The following LARGE1 variants were observed in gnomAD, a reference collection of about 807,000 sequenced individuals.
LARGE1 encodes xylosyl- and glucuronyltransferase LARGE1.
In LARGE1, 43 loss-of-function variants were observed where a neutral mutation model predicts 87.6. The ratio of observed to expected loss-of-function variants is 0.49; its 90% CI spans 0.38 to 0.63. The LOEUF (loss-of-function observed/expected upper bound fraction) is 0.63, where lower values mean the gene tolerates loss of function less well. LARGE1 is among the 30% of genes least tolerant of loss of function. LARGE1 has a pLI of 0.00. For missense variants in LARGE1, 802 were observed against 1,000.2 expected, an observed-to-expected ratio of 0.80 and a Z score of 2.67; for synonymous variants, 434 against 394.6, an observed-to-expected ratio of 1.10 and a Z score of -1.18.
rs183051347 is a variant in LARGE1 at position 33,632,147 on chromosome 22, G to A, written c.409-5821C>T. Among the ~76,000 whole-genome samples the A allele has an allele frequency of 3.9e-5, 6 of 152,232 alleles. No homozygotes were observed. The East Asian group carries it at 7.7e-4, about 20-fold the overall frequency. On this transcript the variant is annotated intron_variant, in intron 3 of 14. Coordinates refer to ENST00000397394, the MANE Select transcript of LARGE1 (RefSeq NM_133642.5). ...CCGTTTGTTTGTTTGTTTTGAGACCGAGTCTCGATCTATCGCCCAGGCTGG... is the reference window on the plus strand; with the variant it reads ...CCGTTTGTTTGTTTGTTTTGAGACCAAGTCTCGATCTATCGCCCAGGCTGG...
In LARGE1 at chr22:33,690,772, G is replaced by A. The variant is rs16992803; in HGVS notation, c.107-40104C>T. On this transcript the variant is annotated intron_variant, in intron 2 of 14. Transcript: ENST00000397394. ...GGGGGCTGTCTCCATCTGACATTAG[G>A]GGCCCCGCTAGCTGATGAGGCTGGC... Among the ~76,000 whole-genome samples the A allele has an allele frequency of 7.6e-3, 1,155 of 152,182 alleles. 14 individuals carry two copies. The highest frequency in any genetic ancestry group is 0.025 in the African/African-American group (1,054 of 41,512).
the LARGE1 span, among the ~76,000 whole-genome samples, chr22:33,072,119 C>A: frequency 6.6e-6 from 1 of 152,176 alleles, no homozygotes; most frequent in Non-Finnish European, 1.5e-5. Context: ...GTACTCCTCC[C>A]TCATGTGACA....
At chr22:33,526,707 T>C (rs115970597) in intron 6 of LARGE1, among the ~76,000 whole-genome samples, 2,040 of 152,314 alleles carry the variant, frequency 0.013, 50 homozygotes, top group African/African-American at 0.047. Flanking sequence ...CAGGGTAACT[T>C]TGATTTATTC....
At chr22:33,520,713 T>A (rs557864879) in intron 6 of LARGE1, among the ~76,000 whole-genome samples, 1 of 152,210 alleles carries the variant, frequency 6.6e-6, no homozygotes, top group Non-Finnish European at 1.5e-5. Flanking sequence ...CTATGAGACA[T>A]GATCTGACAG....
At chr22:33,786,178 G>A (rs1471018728) in intron 1 of LARGE1, among the ~76,000 whole-genome samples, 1 of 152,160 alleles carries the variant, frequency 6.6e-6, no homozygotes, top group African/African-American at 2.4e-5. Context: ...AGACAGGGAA[G>A]GTGGCTTTCC....
At chr22:33,515,885 C>G (rs2071280363) in intron 6 of LARGE1, among the ~76,000 whole-genome samples, 1 of 152,164 alleles carries the variant, frequency 6.6e-6, no homozygotes, top group African/African-American at 2.4e-5. Flanking sequence ...GCTTGCCTTC[C>G]CCAGTTAGCA....
chr22:33,817,572 G>C (rs781389334), intron 1 of LARGE1, among the ~76,000 whole-genome samples: 2 of 152,078 alleles, frequency 1.3e-5, no homozygotes, highest in African/African-American at 2.4e-5. Flanking sequence ...TGTTTGGGTT[G>C]TTGCACATCC....
chr22:33,583,963 C>T (rs1185976307), intron 5 of LARGE1, among the ~76,000 whole-genome samples: 6 of 152,158 alleles, frequency 3.9e-5, no homozygotes, highest in Admixed American at 6.5e-5. Context: ...TAAAAATTGG[C>T]CCAACTTTCC....
chr22:33,821,380 A>C (rs192813449), intron 1 of LARGE1, among the ~76,000 whole-genome samples: 2 of 152,306 alleles, frequency 1.3e-5, no homozygotes, highest in Admixed American at 1.3e-4. Flanking sequence ...ACAGCAAGCA[A>C]ACACTAGTTT....
At chr22:33,197,074 A>C (rs1210565143) in intron 11 of LARGE1, among the ~76,000 whole-genome samples, 2 of 152,170 alleles carry the variant, frequency 1.3e-5, no homozygotes, top group East Asian at 3.8e-4. Context: ...CAACAGATAC[A>C]GAGAAAAACA....
intron 10 of LARGE1, among the ~76,000 whole-genome samples, chr22:33,328,726 A>T (rs544494539): frequency 1.3e-5 from 2 of 152,268 alleles, no homozygotes; most frequent in Non-Finnish European, 2.9e-5. Flanking sequence ...TAACCTGGAT[A>T]TATGTAATAA....
At chr22:33,342,813 T>A (rs5998888) in intron 9 of LARGE1, among the ~76,000 whole-genome samples, 15,211 of 152,032 alleles carry the variant, frequency 0.1, 1,738 homozygotes, top group African/African-American at 0.28. Context: ...TGGCGAGGTC[T>A]TAGGCAAGCA....
intron 2 of LARGE1, among the ~76,000 whole-genome samples, chr22:33,662,177 A>T (rs756684108): frequency 6.6e-6 from 1 of 152,022 alleles, no homozygotes; most frequent in Non-Finnish European, 1.5e-5. Context: ...AGGTTGGATA[A>T]GCCTGGTCCA....
At chr22:33,715,984 C>T (rs1603229198) in intron 2 of LARGE1, among the ~76,000 whole-genome samples, 1 of 152,332 alleles carries the variant, frequency 6.6e-6, no homozygotes, top group Non-Finnish European at 1.5e-5. Context: ...TTACTAACTA[C>T]TAATTCCGAA....
At chr22:33,640,662 C>T (rs2080400651) in intron 3 of LARGE1, among the ~76,000 whole-genome samples, 2 of 152,110 alleles carry the variant, frequency 1.3e-5, no homozygotes, top group South Asian at 4.1e-4. Context: ...TCCCACAGAG[C>T]CCAGCAAGCT....
At chr22:33,305,089 T>A (rs192998271) in intron 11 of LARGE1, among the ~76,000 whole-genome samples, 244 of 152,306 alleles carry the variant, frequency 1.6e-3, no homozygotes, top group African/African-American at 5.5e-3. Context: ...TGCCGTATGT[T>A]CAATCAGCTT....
intron 1 of LARGE1, among the ~76,000 whole-genome samples, chr22:33,825,571 A>G (rs1287765648): frequency 1.3e-5 from 2 of 152,074 alleles, no homozygotes; most frequent in Non-Finnish European, 2.9e-5. Context: ...AGCCCCTTCT[A>G]AAACTATCAG....
the LARGE1 span, among the ~76,000 whole-genome samples, chr22:33,072,813 G>A: frequency 1.3e-5 from 2 of 152,092 alleles, no homozygotes; most frequent in African/African-American, 2.4e-5. Flanking sequence ...ACAGGGCATA[G>A]CCTGAAGACC....
At chr22:33,247,803 C>G (rs1926834004) in intron 11 of LARGE1, among the ~76,000 whole-genome samples, 1 of 152,206 alleles carries the variant, frequency 6.6e-6, no homozygotes, top group African/African-American at 2.4e-5. Flanking sequence ...TATTCATTAT[C>G]AAGCTAGACA....
Sources: allele counts gnomAD v4.1 joint callset (sites outside exome capture counted in the v4.1 genomes callset), GRCh38; gene constraint gnomAD v4.1.1; transcripts MANE v1.5; gene names NCBI Gene and HGNC (gene_info 2026-07-23, HGNC 2026-07-21).